HDAC4: variants seen among roughly 807,000 people sequenced by gnomAD.
The protein encoded by HDAC4 is histone deacetylase 4, also known as histone deacetylase A.
Under a neutral mutation model 135.1 loss-of-function variants are expected in HDAC4, and 16 were observed. The ratio of observed to expected loss-of-function variants is 0.12; its 90% CI spans 0.08 to 0.18. The LOEUF is 0.18. Ranked by LOEUF, HDAC4 falls within the 10% of genes least tolerant of loss-of-function variation. The pLI, the probability that HDAC4 is intolerant of heterozygous loss-of-function variation, is 1.00. For missense variants in HDAC4, 1,143 were observed against 1,511.8 expected (o/e 0.76, Z 4.05); for synonymous variants, 685 against 653.4 (o/e 1.05, Z -0.74).
chr2:239,230,368 CAA>C (rs56105562), intron 3 of HDAC4, among the ~76,000 whole-genome samples: 24,060 of 80,096 alleles, frequency 0.3, 2,287 homozygotes, highest in Middle Eastern at 0.47. Flanking sequence ...AGCAAGCAAG[CAA>C]AAAAAAAAAA....
intron 15 of HDAC4, among the ~76,000 whole-genome samples, chr2:239,105,844 G>C (rs2038077744): frequency 2.0e-5 from 3 of 152,218 alleles, no homozygotes; most frequent in Admixed American, 1.3e-4. Context: ...GGAGGCCAGT[G>C]ACCCCTGGCA....
At position 239,134,374 on chromosome 2, in the gene HDAC4, G is replaced by A. The variant is rs2040806269; in HGVS notation, c.1165C>T (p.Pro389Ser). The A allele has an allele frequency of 1.2e-6, 2 of 1,613,868 alleles. No individual in the cohort carries two copies. Among genetic ancestry groups the A allele is most frequent in the African/African-American group, 1.3e-5 (1 of 74,932 alleles). ...PALQQRLSLF[P>S]GTHLTPYLST... ...AGGTAGGGAGTGAGGTGGGTGCCGG[G>A]GAAAAGGGAGAGCCTCTGCTGGAGG... The change falls in exon 11 of 27, where the codon CCC becomes TCC. Residue 389 changes from proline (P) to serine (S), a missense_variant. Physicochemically the swap from Pro to Ser is moderately conservative, Grantham distance 74 (BLOSUM62 -1). This residue lies in a region of HDAC4 where 272 missense variants were observed against 309.7 expected (regional missense o/e 0.88). Coordinates refer to ENST00000543185, the MANE Select transcript of HDAC4 (RefSeq NM_001378414.1).
chr2:239,189,757 G>C (rs1020550905), intron 4 of HDAC4, 76 bp downstream of exon 4: 3 of 1,437,728 alleles, frequency 2.1e-6, no homozygotes, highest in African/African-American at 2.8e-5. Context: ...CACACTCCGC[G>C]GAGGCAGGGC....
chr2:239,126,760 A>G lies in HDAC4; in HGVS notation c.1295-66T>C, dbSNP rs567318005. 324 of 1,518,352 alleles carry G rather than the reference A, an allele frequency of 2.1e-4. 2 individuals are homozygous for G. The highest frequency in any genetic ancestry group is 1.1e-3 in the Middle Eastern group (6 of 5,418). The allele number at this position is 1,518,352 out of a possible 1,614,324, so 94.1% of individuals were successfully genotyped here. On this transcript the variant is annotated intron_variant, in intron 11 of 26. Transcript: ENST00000543185. ...AAGAAGAGAGGAGGGAGAGAGGGCT[A>G]TTGAGTAAGTGATGGAGACAACTGC...
At chr2:239,326,904 C>A (rs2053484193) in intron 2 of HDAC4, among the ~76,000 whole-genome samples, 1 of 152,222 alleles carries the variant, frequency 6.6e-6, no homozygotes, top group African/African-American at 2.4e-5. Context: ...CCCCCAAGCA[C>A]ACAGAGGTCA....
chr2:239,061,937 G>T (rs1360813656), intron 24 of HDAC4, among the ~76,000 whole-genome samples: 2 of 152,228 alleles, frequency 1.3e-5, no homozygotes, highest in East Asian at 3.9e-4. Context: ...TTTGGGCATG[G>T]TCTCAGACAG....
chr2:239,386,186 G>T (rs1695796831), intron 1 of HDAC4, among the ~76,000 whole-genome samples: 1 of 152,108 alleles, frequency 6.6e-6, no homozygotes, highest in Non-Finnish European at 1.5e-5. Context: ...GTGTCTCGGA[G>T]GTTCAGAGCC....
At chr2:239,254,132 A>G (rs1355918354) in intron 2 of HDAC4, among the ~76,000 whole-genome samples, 1 of 152,186 alleles carries the variant, frequency 6.6e-6, no homozygotes, top group African/African-American at 2.4e-5. Context: ...AATAAGGGTA[A>G]AACTAGTCTA....
chr2:239,069,719 C>T (rs973919607), intron 22 of HDAC4, among the ~76,000 whole-genome samples: 1 of 130,536 alleles, frequency 7.7e-6, no homozygotes, highest in Non-Finnish European at 1.7e-5. Flanking sequence ...TGCAAGCCAG[C>T]AAGCCCCACT....
At chr2:239,053,303 C>G (rs1234421453) in intron 26 of HDAC4, among the ~76,000 whole-genome samples, 157 bp downstream of exon 26, 1 of 152,202 alleles carries the variant, frequency 6.6e-6, no homozygotes, top group Non-Finnish European at 1.5e-5. Context: ...TCATGCGTCT[C>G]TAAGGGGCTT....
At chr2:239,177,087 G>C (rs991003592) in intron 4 of HDAC4, among the ~76,000 whole-genome samples, 2 of 152,196 alleles carry the variant, frequency 1.3e-5, no homozygotes, top group South Asian at 4.1e-4. Flanking sequence ...ATGTTCCCTC[G>C]AAGGTGGACA....
At chr2:239,361,319 G>A (rs192684896) in intron 1 of HDAC4, among the ~76,000 whole-genome samples, 5 of 152,278 alleles carry the variant, frequency 3.3e-5, no homozygotes, top group African/African-American at 9.6e-5. Flanking sequence ...AAAAGAAACC[G>A]TTTTCTGCCT....
intron 3 of HDAC4, among the ~76,000 whole-genome samples, chr2:239,212,831 A>C (rs1212682859): frequency 6.6e-6 from 1 of 152,198 alleles, no homozygotes; most frequent in Non-Finnish European, 1.5e-5. Flanking sequence ...CCTGTCTGCC[A>C]CCTGGCCAGG....
At chr2:239,323,252 G>C (rs962688933) in intron 2 of HDAC4, among the ~76,000 whole-genome samples, 1 of 152,148 alleles carries the variant, frequency 6.6e-6, no homozygotes, top group African/African-American at 2.4e-5. Context: ...GTATGGACAT[G>C]GGGAGACAAA....
intron 3 of HDAC4, among the ~76,000 whole-genome samples, chr2:239,233,176 A>T (rs1378223259): frequency 6.6e-6 from 1 of 152,270 alleles, no homozygotes; most frequent in Non-Finnish European, 1.5e-5. Context: ...TAAAATTTTT[A>T]AAACATTTTA....
At chr2:239,161,035 T>G (rs2042759914) in intron 6 of HDAC4, among the ~76,000 whole-genome samples, 1 of 152,234 alleles carries the variant, frequency 6.6e-6, no homozygotes, top group South Asian at 2.1e-4. Flanking sequence ...ATTTACCTGA[T>G]GACCAGCCAT....
chr2:239,300,384 G>A lies in HDAC4; in HGVS notation c.22+52294C>T, dbSNP rs73100773. Among the ~76,000 whole-genome samples the A allele has an allele frequency of 6.3e-3, 953 of 152,172 alleles. 8 individuals carry two copies. The highest frequency in any genetic ancestry group is 0.02 in the African/African-American group (821 of 41,514). On this transcript the variant is annotated intron_variant, in intron 2 of 26. Coordinates refer to ENST00000543185, the MANE Select transcript of HDAC4 (RefSeq NM_001378414.1). The stretch of plus-strand genomic sequence containing the variant: ...AATTTAATTTGAAATCCAGTTCCTC[G>A]GCCACACCATCCATGTGTTGATGTG...
chr2:239,188,423 C>T (rs2153039165), intron 4 of HDAC4, among the ~76,000 whole-genome samples: 1 of 152,330 alleles, frequency 6.6e-6, no homozygotes, highest in African/African-American at 2.4e-5. Flanking sequence ...GAGGGATGCA[C>T]CCCTAAGCTA....
At chr2:239,371,258 A>G (rs1176044217) in intron 1 of HDAC4, among the ~76,000 whole-genome samples, 1 of 152,134 alleles carries the variant, frequency 6.6e-6, no homozygotes, top group Non-Finnish European at 1.5e-5. Context: ...CATGACCTCA[A>G]ACTCACACAC....
Sources: allele counts gnomAD v4.1 joint callset (sites outside exome capture counted in the v4.1 genomes callset), GRCh38; gene constraint gnomAD v4.1.1; regional missense constraint gnomAD v4.1.1; transcripts MANE v1.5; gene names NCBI Gene and HGNC (gene_info 2026-07-23, HGNC 2026-07-21).